The following CLASP1 variants were observed in gnomAD, a reference collection of about 807,000 sequenced individuals.
CLASP1 encodes the protein cytoplasmic linker associated protein 1.
CLASP1 carries 38 observed loss-of-function variants against 192.3 expected under a neutral mutation model. That is an observed-to-expected ratio of 0.20 (90% CI 0.15 to 0.26). The LOEUF is 0.26. CLASP1 is among the 10% of genes least tolerant of loss of function. The pLI is 1.00. For synonymous variants in CLASP1, 691 were observed against 712.8 expected, an observed-to-expected ratio of 0.97 and a Z score of 0.49; for missense variants, 1,433 against 1,932.5, an observed-to-expected ratio of 0.74 and a Z score of 4.85.
At chr2:121,626,898 A>G (rs968420826) in intron 1 of CLASP1, among the ~76,000 whole-genome samples, 1 of 152,208 alleles carries the variant, frequency 6.6e-6, no homozygotes, top group African/African-American at 2.4e-5. Flanking sequence ...TGTTCTCAAA[A>G]TAAGAGCTGA....
Position 121,436,558 on chromosome 2 carries a change from G to A in CLASP1, c.1913-6381C>T, listed in dbSNP as rs183532241. ...CCCAAGCAGCTGGGACTACAGGTGC[G>A]AGCCACCACGCCCAGCTAATTTTGG... On this transcript the variant is annotated intron_variant, in intron 19 of 39. Coordinates refer to ENST00000263710, the Ensembl canonical transcript of CLASP1. Among the ~76,000 whole-genome samples the A allele has an allele frequency of 2.1e-3, 322 of 151,536 alleles. 1 individual carries two copies. The highest frequency in any genetic ancestry group is 7.2e-3 in the African/African-American group (298 of 41,290).
exon 36 of CLASP1, chr2:121,365,272 T>G (rs1408857688): frequency 1.2e-6 from 2 of 1,612,738 alleles, no homozygotes; most frequent in East Asian, 2.2e-5. Context: ...CAGGTCAGAA[T>G]GGTCGATGGG....
exon 32 of CLASP1, chr2:121,387,172 G>A (rs1328978281): frequency 1.2e-6 from 2 of 1,612,944 alleles, no homozygotes; most frequent in Non-Finnish European, 1.7e-6. Context: ...TCAGGGGGCT[G>A]GTCCTGCTGC....
chr2:121,481,303 A>G (rs2092580203), intron 8 of CLASP1, among the ~76,000 whole-genome samples: 1 of 152,166 alleles, frequency 6.6e-6, no homozygotes, highest in Admixed American at 6.5e-5. Flanking sequence ...AGGCCATACA[A>G]CTAATTCAAA....
At chr2:121,623,184 G>A (rs2067687476) in intron 1 of CLASP1, among the ~76,000 whole-genome samples, 1 of 152,096 alleles carries the variant, frequency 6.6e-6, no homozygotes, top group African/African-American at 2.4e-5. Context: ...TTCAAAGATG[G>A]CCTTTATCAC....
intron 2 of CLASP1, chr2:121,532,607 A>C (rs1270862767): frequency 6.6e-6 from 1 of 152,278 alleles, no homozygotes; most frequent in African/African-American, 2.4e-5. Flanking sequence ...AGTACCCCTC[A>C]AAACTGTCCA....
At chr2:121,627,836 A>G (rs1224803123) in intron 1 of CLASP1, among the ~76,000 whole-genome samples, 3 of 152,226 alleles carry the variant, frequency 2.0e-5, no homozygotes, top group Non-Finnish European at 4.4e-5. Context: ...AAACCCTTTC[A>G]ATGCAACTTA....
chr2:121,548,099 T>C (rs751965393), intron 2 of CLASP1, among the ~76,000 whole-genome samples: 8 of 152,144 alleles, frequency 5.3e-5, no homozygotes, highest in Non-Finnish European at 1.2e-4. Flanking sequence ...GAATTTAGAA[T>C]ATGGATAGGA....
At chr2:121,467,298 G>A (rs1445253440) in intron 9 of CLASP1, among the ~76,000 whole-genome samples, 1 of 152,194 alleles carries the variant, frequency 6.6e-6, no homozygotes, top group Non-Finnish European at 1.5e-5. Context: ...ATAACAGAAT[G>A]ATTTATATTC....
intron 8 of CLASP1, among the ~76,000 whole-genome samples, chr2:121,501,786 A>G (rs1443210955): frequency 1.3e-5 from 2 of 152,192 alleles, no homozygotes; most frequent in Non-Finnish European, 2.9e-5. Context: ...TTTGAGGAAA[A>G]GCGCTCAGAC....
intron 8 of CLASP1, among the ~76,000 whole-genome samples, chr2:121,497,978 G>T (rs2093601842): frequency 6.6e-6 from 1 of 152,072 alleles, no homozygotes; most frequent in African/African-American, 2.4e-5. Context: ...GCCCGCCTTG[G>T]CCTCCCAAAG....
intron 3 of CLASP1, 41 bp downstream of exon 3, chr2:121,530,206 T>A (rs373579195): frequency 1.7e-4 from 258 of 1,510,998 alleles, no homozygotes; most frequent in Non-Finnish European, 2.2e-4. Flanking sequence ...AGGCTGGGGG[T>A]CTGAAGGGGC....
At chr2:121,619,751 T>C (rs1344557775) in intron 1 of CLASP1, among the ~76,000 whole-genome samples, 3 of 152,214 alleles carry the variant, frequency 2.0e-5, no homozygotes, top group African/African-American at 4.8e-5. Context: ...GTTTTCATTC[T>C]ATTTTTTCTC....
At chr2:121,418,584 A>G in intron 23 of CLASP1, 38 bp downstream of exon 23, 1 of 1,411,500 alleles carries the variant, frequency 7.1e-7, no homozygotes, top group Non-Finnish European at 1.0e-6. Context: ...CAGGGAAAGG[A>G]ACTCTTTGCT....
Position 121,433,885 on chromosome 2 carries a change from C to T in CLASP1, c.1913-3708G>A, listed in dbSNP as rs2081892988. Among the ~76,000 whole-genome samples the T allele has an allele frequency of 2.0e-5, 3 of 152,304 alleles. No individual in the cohort carries two copies. In the South Asian group the frequency reaches 6.2e-4, roughly 32 times the overall value. On this transcript the variant is annotated intron_variant, in intron 19 of 39. Coordinates refer to ENST00000263710, the Ensembl canonical transcript of CLASP1. ...AAAACCAGTGAGGGAAGTATTCCCTCTTTTCCTATTCTCTGAGTTTACGTA... is the reference window on the plus strand; with the variant it reads ...AAAACCAGTGAGGGAAGTATTCCCTTTTTTCCTATTCTCTGAGTTTACGTA...
At position 121,401,859 on chromosome 2, in the gene CLASP1, G is replaced by A. The variant is rs547182421; in HGVS notation, c.2736+9C>T. On this transcript the variant is annotated intron_variant, in intron 27 of 39. Transcript: ENST00000263710. ...GAAAACAGATAAAGGAAAAAGAAAT[G>A]GAACTTACTCTCTGTTGTGAATTCC... 4.0e-6 allele frequency: 3 copies of A among 743,674 alleles called. No homozygotes were observed. Among genetic ancestry groups the A allele is most frequent in the South Asian group, 2.7e-5 (2 of 73,264 alleles). The allele number at this position is 743,674 out of a possible 1,614,324, so 46.1% of individuals were successfully genotyped here. A position where few individuals can be genotyped will look rare whatever the true frequency, so the allele number is the denominator to read the frequency against.
At chr2:121,370,074 T>C (rs2068289573) in intron 34 of CLASP1, among the ~76,000 whole-genome samples, 1 of 152,212 alleles carries the variant, frequency 6.6e-6, no homozygotes, top group African/African-American at 2.4e-5. Context: ...TAATTGACCG[T>C]AAGGATGGGC....
chr2:121,543,183 A>T (rs1312597297), intron 2 of CLASP1, among the ~76,000 whole-genome samples: 2 of 152,174 alleles, frequency 1.3e-5, no homozygotes, highest in Admixed American at 6.5e-5. Context: ...ACATAGGTAA[A>T]AATAAGGCCG....
At chr2:121,575,478 C>T (rs1158833524) in intron 2 of CLASP1, among the ~76,000 whole-genome samples, 1 of 152,102 alleles carries the variant, frequency 6.6e-6, no homozygotes, top group African/African-American at 2.4e-5. Context: ...TAAGTAAAAG[C>T]ATGAAAATGT....
Sources: gnomAD v4.1 joint callset for allele counts (sites outside exome capture counted in the v4.1 genomes callset) on GRCh38, gnomAD v4.1.1 for gene constraint, MANE v1.5 for transcripts, NCBI Gene and HGNC (gene_info 2026-07-23, HGNC 2026-07-21) for gene names.